Variants in NLGN4X observed in about 807,000 individuals in gnomAD.
NLGN4X encodes neuroligin-4, X-linked.
A neutral mutation model predicts 40.3 loss-of-function variants in NLGN4X; 3 were observed. The ratio of observed to expected loss-of-function variants is 0.07; its 90% CI spans 0.03 to 0.19. The LOEUF is 0.19. NLGN4X is among the 10% of genes least tolerant of loss of function. NLGN4X has a pLI of 1.00. For synonymous variants in NLGN4X, 270 were observed against 306.8 expected (o/e 0.88, Z 1.25); for missense variants, 382 against 708.3 (o/e 0.54, Z 5.23).
chrX:6,057,950 G>A (rs1345507864), intron 2 of NLGN4X, among the ~76,000 whole-genome samples: 1 of 111,551 alleles, frequency 9.0e-6, no homozygotes, highest in Non-Finnish European at 1.9e-5. Context: ...TAATAGGTCT[G>A]ATCAACTCAT....
intron 2 of NLGN4X, among the ~76,000 whole-genome samples, chrX:6,122,058 C>T (rs746505444): frequency 9.0e-6 from 1 of 111,701 alleles, no homozygotes; most frequent in African/African-American, 3.3e-5. Context: ...TTTATAACTG[C>T]ACACGACAGT....
intron 2 of NLGN4X, among the ~76,000 whole-genome samples, chrX:6,099,458 G>C (rs1223302703): frequency 1.8e-5 from 2 of 112,283 alleles, no homozygotes; most frequent in East Asian, 5.6e-4. Flanking sequence ...TTGGACTCTA[G>C]TTGGTGTCTG....
At chrX:5,958,150 C>T (rs72627589) in intron 3 of NLGN4X, among the ~76,000 whole-genome samples, 5,967 of 111,182 alleles carry the variant, frequency 0.054, 202 homozygotes, top group East Asian at 0.18. Flanking sequence ...CCCAGATATT[C>T]AGGGTTTGTT....
chrX:6,134,350 A>G (rs1474415508), intron 2 of NLGN4X, among the ~76,000 whole-genome samples: 2 of 111,720 alleles, frequency 1.8e-5, no homozygotes, highest in Non-Finnish European at 3.8e-5. Context: ...GTCTGTCTGA[A>G]ATGACTCTCC....
chrX:5,967,486 C>T (rs2034868073), intron 3 of NLGN4X, among the ~76,000 whole-genome samples: 1 of 110,613 alleles, frequency 9.0e-6, no homozygotes, highest in African/African-American at 3.3e-5. Context: ...ACATGAGAGA[C>T]CTCTTATAAA....
At chrX:6,188,494 G>T (rs1356000430) in intron 1 of NLGN4X, among the ~76,000 whole-genome samples, 1 of 110,983 alleles carries the variant, frequency 9.0e-6, no homozygotes, top group African/African-American at 3.3e-5. Flanking sequence ...AGAATCGCAG[G>T]TGTCTTTGTA....
At chrX:5,921,884 G>A (rs374259715) in intron 3 of NLGN4X, among the ~76,000 whole-genome samples, 11 of 111,219 alleles carry the variant, frequency 9.9e-5, no homozygotes, top group Non-Finnish European at 1.3e-4. Flanking sequence ...GAAGGCTGCC[G>A]TGACACATAA....
At chrX:6,089,127 G>A (rs12860852) in intron 2 of NLGN4X, among the ~76,000 whole-genome samples, 52,768 of 110,376 alleles carry the variant, frequency 0.48, 9,156 homozygotes, top group Admixed American at 0.52. Flanking sequence ...TAAACATATC[G>A]TTAAACTAAA....
chrX:6,108,477 C>T (rs2039078650), intron 2 of NLGN4X, among the ~76,000 whole-genome samples: 1 of 110,178 alleles, frequency 9.1e-6, no homozygotes, highest in Non-Finnish European at 1.9e-5. Context: ...GCAGCCTGGC[C>T]AACATGGCAA....
intron 1 of NLGN4X, among the ~76,000 whole-genome samples, chrX:6,181,956 G>A (rs1253917385): frequency 9.0e-6 from 1 of 111,641 alleles, no homozygotes; most frequent in Non-Finnish European, 1.9e-5. Flanking sequence ...TTATAGAGGG[G>A]GAGCAGGTCA....
intron 2 of NLGN4X, among the ~76,000 whole-genome samples, chrX:6,139,244 T>C (rs1391923838): frequency 8.9e-6 from 1 of 112,082 alleles, no homozygotes; most frequent in Non-Finnish European, 1.9e-5. Context: ...TATTTGAATT[T>C]GGTAAGAATG....
chrX:6,092,050 G>A (rs762645606), intron 2 of NLGN4X, among the ~76,000 whole-genome samples: 4 of 96,941 alleles, frequency 4.1e-5, no homozygotes, highest in Non-Finnish European at 6.1e-5. Flanking sequence ...TTTTCCATTG[G>A]TGAAACCTTC....
chrX:6,061,506 T>C lies in NLGN4X; in HGVS notation c.473-32074A>G, dbSNP rs973579945. ...TTTATTGATATTGATTCCAATTTTA[T>C]TGCTCTTATTCTCTCTGAAACCTGC... On this transcript the variant is annotated intron_variant, in intron 2 of 5. Transcript: ENST00000381095. 3 of 112,199 alleles carry C rather than the reference T, an allele frequency of 2.7e-5. No individual in the cohort carries two copies. The Admixed American group carries it at 2.8e-4, about 11-fold the overall frequency. 9.2% of individuals were successfully genotyped at this position (112,199 alleles called of 1,213,427 possible). A position where few individuals can be genotyped will look rare whatever the true frequency, so the allele number is the denominator to read the frequency against.
chrX:5,970,766 G>A (rs1376881259), intron 3 of NLGN4X, among the ~76,000 whole-genome samples: 1 of 111,803 alleles, frequency 8.9e-6, no homozygotes, highest in Non-Finnish European at 1.9e-5. Context: ...ATACAGTGTT[G>A]TACCAATCAA....
intron 2 of NLGN4X, among the ~76,000 whole-genome samples, chrX:6,060,676 T>C (rs1446815023): frequency 9.0e-6 from 1 of 111,721 alleles, no homozygotes; most frequent in Non-Finnish European, 1.9e-5. Flanking sequence ...CTTACTACAC[T>C]GAAGAAATTC....
intron 1 of NLGN4X, among the ~76,000 whole-genome samples, chrX:6,155,973 G>A (rs1238288452): frequency 1.8e-5 from 2 of 112,394 alleles, no homozygotes; most frequent in Non-Finnish European, 3.7e-5. Context: ...CAGCCATTGT[G>A]TAAAGCAGTA....
chrX:6,024,613 T>C (rs946334665), intron 3 of NLGN4X, among the ~76,000 whole-genome samples: 12 of 110,867 alleles, frequency 1.1e-4, no homozygotes, highest in Admixed American at 1.9e-4. Flanking sequence ...AAAACCAAGA[T>C]GGCAACTAGA....
chrX:6,226,387 C>G (rs1926324222), intron 1 of NLGN4X, among the ~76,000 whole-genome samples: 1 of 110,859 alleles, frequency 9.0e-6, no homozygotes, highest in Non-Finnish European at 1.9e-5. Context: ...CCGGCTGCCC[C>G]TCGCTCTCCA....
At chrX:6,225,530 C>T (rs1204543027) in intron 1 of NLGN4X, among the ~76,000 whole-genome samples, 1 of 108,444 alleles carries the variant, frequency 9.2e-6, no homozygotes, top group Non-Finnish European at 1.9e-5. Context: ...TGCACCCTGG[C>T]CATTTAATTT....
Sources: allele counts gnomAD v4.1 joint callset (sites outside exome capture counted in the v4.1 genomes callset), GRCh38; gene constraint gnomAD v4.1.1; transcripts MANE v1.5; gene names NCBI Gene and HGNC (gene_info 2026-07-23, HGNC 2026-07-21).